TENM3: variants seen among roughly 807,000 people sequenced by gnomAD.
TENM3 encodes teneurin-3.
TENM3 carries 63 observed loss-of-function variants against 255.1 expected under a neutral mutation model. That is an observed-to-expected ratio of 0.25 (90% CI 0.20 to 0.30). The LOEUF is 0.30. Ranked by LOEUF, TENM3 falls within the 10% of genes least tolerant of loss-of-function variation. TENM3 has a pLI of 1.00. For synonymous variants in TENM3, 1,306 were observed against 1,322.3 expected (o/e 0.99, Z 0.27); for missense variants, 2,929 against 3,461.1 (o/e 0.85, Z 3.86).
At chr4:182,342,653 G>C (rs1308610607) in intron 2 of TENM3, among the ~76,000 whole-genome samples, 3 of 152,052 alleles carry the variant, frequency 2.0e-5, no homozygotes, top group Non-Finnish European at 4.4e-5. Context: ...AAAACTGTTT[G>C]TTTTTTTAAA....
chr4:181,452,554 G>T, the TENM3 span, among the ~76,000 whole-genome samples: 1 of 152,126 alleles, frequency 6.6e-6, no homozygotes, highest in Non-Finnish European at 1.5e-5. Flanking sequence ...GGACATGTTT[G>T]CTTCCCCTTC....
At chr4:181,982,959 A>G in the TENM3 span, among the ~76,000 whole-genome samples, 1 of 152,148 alleles carries the variant, frequency 6.6e-6, no homozygotes, top group African/African-American at 2.4e-5. Flanking sequence ...TTGAGGTGAT[A>G]CCAAGAAACT....
the TENM3 span, among the ~76,000 whole-genome samples, chr4:182,071,201 A>G: frequency 6.6e-6 from 1 of 152,178 alleles, no homozygotes; most frequent in East Asian, 1.9e-4. Flanking sequence ...ATAAGTTCTT[A>G]TTTGAGCCAG....
the TENM3 span, among the ~76,000 whole-genome samples, chr4:181,787,836 T>C: frequency 2.0e-4 from 31 of 152,240 alleles, no homozygotes; most frequent in African/African-American, 7.2e-4. Flanking sequence ...TCCTGCCTTC[T>C]TAAAATGTGT....
chr4:181,906,727 G>C, the TENM3 span, among the ~76,000 whole-genome samples: 1 of 152,040 alleles, frequency 6.6e-6, no homozygotes, highest in African/African-American at 2.4e-5. Flanking sequence ...TTTTGTTTTT[G>C]TTTAGAGATG....
chr4:182,615,069 A>ATATATTT (rs1202422295), intron 4 of TENM3, among the ~76,000 whole-genome samples: 1 of 130,388 alleles, frequency 7.7e-6, no homozygotes. Context: ...ATATATATGT[A>ATATATTT]TTTTTTTTTT....
At chr4:182,615,069 A>T (rs57193743) in intron 4 of TENM3, among the ~76,000 whole-genome samples, 4,787 of 130,258 alleles carry the variant, frequency 0.037, 116 homozygotes, top group South Asian at 0.064. Context: ...ATATATATGT[A>T]TTTTTTTTTT....
chr4:181,449,154 C>T, the TENM3 span, among the ~76,000 whole-genome samples: 9 of 152,274 alleles, frequency 5.9e-5, no homozygotes, highest in East Asian at 1.7e-3. Context: ...TTGACTTTGT[C>T]ACCTATCACC....
intron 3 of TENM3, among the ~76,000 whole-genome samples, chr4:182,559,127 A>ATTTTTTTTTTTTTTTTTT (rs70956518): frequency 9.3e-6 from 1 of 107,480 alleles, no homozygotes; most frequent in African/African-American, 3.8e-5. Context: ...ATTCCTCGGG[A>ATTTTTTTTTTTTTTTTTT]TTTTTTTTTT....
At chr4:182,088,384 G>T in the TENM3 span, among the ~76,000 whole-genome samples, 1 of 152,100 alleles carries the variant, frequency 6.6e-6, no homozygotes, top group East Asian at 1.9e-4. Context: ...AGTACTCCCA[G>T]TGTTATCAAG....
intron 4 of TENM3, among the ~76,000 whole-genome samples, chr4:182,606,261 C>T (rs1371438513): frequency 1.3e-5 from 2 of 152,152 alleles, no homozygotes; most frequent in East Asian, 1.9e-4. Context: ...TGGTGGCTCA[C>T]GCCTGTAATC....
chr4:182,429,835 T>C (rs1361932981), intron 3 of TENM3, among the ~76,000 whole-genome samples: 1 of 152,246 alleles, frequency 6.6e-6, no homozygotes, highest in African/African-American at 2.4e-5. Context: ...GCCTTTGAGA[T>C]CTTACTAGTT....
At chr4:182,298,608 A>G (rs1761643971) in intron 1 of TENM3, among the ~76,000 whole-genome samples, 1 of 152,298 alleles carries the variant, frequency 6.6e-6, no homozygotes, top group African/African-American at 2.4e-5. Flanking sequence ...GGAATCAAGT[A>G]CTTGAAAGGA....
the TENM3 span, among the ~76,000 whole-genome samples, chr4:181,489,317 G>T: frequency 0.023 from 3,539 of 152,228 alleles, 230 homozygotes; most frequent in East Asian, 0.16. Flanking sequence ...CCTAGAATAA[G>T]CTACTTAACT....
chr4:181,952,652 CT>C, the TENM3 span, among the ~76,000 whole-genome samples: 1 of 152,174 alleles, frequency 6.6e-6, no homozygotes, highest in African/African-American at 2.4e-5. Flanking sequence ...GACTTATTTC[CT>C]TTTTGGGCTG....
At chr4:182,229,093 C>A (rs553749339) in intron 1 of TENM3, among the ~76,000 whole-genome samples, 1 of 152,276 alleles carries the variant, frequency 6.6e-6, no homozygotes, top group South Asian at 2.1e-4. Context: ...TGTTTCCTTG[C>A]ACTTCAGAAA....
the TENM3 span, among the ~76,000 whole-genome samples, chr4:182,034,037 C>T: frequency 4.6e-5 from 7 of 152,138 alleles, no homozygotes; most frequent in African/African-American, 7.2e-5. Context: ...CACAGTTCCA[C>T]GTGGCTGGGG....
chr4:182,560,026 C>T (rs970509217), intron 3 of TENM3, among the ~76,000 whole-genome samples: 7 of 151,018 alleles, frequency 4.6e-5, no homozygotes, highest in Non-Finnish European at 1.0e-4. Flanking sequence ...TCTCATGTAC[C>T]CCACAAATAT....
At chr4:181,932,157 A>G in the TENM3 span, among the ~76,000 whole-genome samples, 3 of 152,226 alleles carry the variant, frequency 2.0e-5, no homozygotes, top group Non-Finnish European at 2.9e-5. Context: ...CAAAAGCCAA[A>G]ATTGACAAAT....
Sources: gnomAD v4.1 joint callset for allele counts (sites outside exome capture counted in the v4.1 genomes callset) on GRCh38, gnomAD v4.1.1 for gene constraint, MANE v1.5 for transcripts, NCBI Gene and HGNC (gene_info 2026-07-23, HGNC 2026-07-21) for gene names.